The following MGAT5 variants were observed in gnomAD, a reference collection of about 807,000 sequenced individuals.
MGAT5 encodes alpha-1,6-mannosylglycoprotein 6-beta-N-acetylglucosaminyltransferase.
Under a neutral mutation model 94.3 loss-of-function variants are expected in MGAT5, and 30 were observed. That is an observed-to-expected ratio of 0.32 (90% CI 0.24 to 0.43). The LOEUF is 0.43. Ranked by LOEUF, MGAT5 falls within the 20% of genes least tolerant of loss-of-function variation. The probability of loss-of-function intolerance (pLI) is 1.00; values close to 1 mark genes in which losing one functional copy is unlikely to be tolerated. For synonymous variants in MGAT5, 310 were observed against 322.9 expected, an observed-to-expected ratio of 0.96 and a Z score of 0.43; for missense variants, 691 against 905.5, an observed-to-expected ratio of 0.76 and a Z score of 3.04.
intron 10 of MGAT5, among the ~76,000 whole-genome samples, chr2:134,369,685 G>A (rs1680658221): frequency 6.6e-6 from 1 of 151,154 alleles, no homozygotes; most frequent in Admixed American, 6.6e-5. Flanking sequence ...AGATGGATAT[G>A]TTTGCTGTCT....
chr2:134,416,635 C>A (rs992332275), intron 12 of MGAT5, among the ~76,000 whole-genome samples: 3 of 151,908 alleles, frequency 2.0e-5, no homozygotes, highest in African/African-American at 7.3e-5. Flanking sequence ...CGACACCTCG[C>A]TACTCTTTTT....
At chr2:134,177,490 C>T (rs1216529192) in intron 1 of MGAT5, among the ~76,000 whole-genome samples, 2 of 152,152 alleles carry the variant, frequency 1.3e-5, no homozygotes, top group African/African-American at 2.4e-5. Context: ...GGCAGGGAAG[C>T]GAGGTCCAGC....
At chr2:134,347,060 A>G (rs1330575009) in intron 8 of MGAT5, among the ~76,000 whole-genome samples, 1 of 152,206 alleles carries the variant, frequency 6.6e-6, no homozygotes, top group African/African-American at 2.4e-5. Flanking sequence ...TTAAGTCATT[A>G]GTCGGCCTAT....
intron 2 of MGAT5, among the ~76,000 whole-genome samples, chr2:134,281,745 GTGC>G (rs896056443): frequency 6.6e-6 from 1 of 152,220 alleles, no homozygotes; most frequent in Non-Finnish European, 1.5e-5. Flanking sequence ...CTGTGCGGGA[GTGC>G]TCAGCTCTCA....
chr2:134,297,265 T>G (rs78084643), intron 2 of MGAT5, among the ~76,000 whole-genome samples: 4,029 of 151,802 alleles, frequency 0.027, 174 homozygotes, highest in East Asian at 0.1. Context: ...TAATTAGAAC[T>G]TTTCCTACAA....
chr2:134,442,056 C>A, intron 15 of MGAT5, 141 bp downstream of exon 15: 1 of 913,882 alleles, frequency 1.1e-6, no homozygotes, highest in Non-Finnish European at 1.7e-6. Flanking sequence ...TAGGTTGCAG[C>A]AGGATCCCCC....
At chr2:134,130,794 C>T (rs181413407) in intron 1 of MGAT5, among the ~76,000 whole-genome samples, 1 of 151,286 alleles carries the variant, frequency 6.6e-6, no homozygotes, top group Admixed American at 6.6e-5. Flanking sequence ...GTGTCTAACT[C>T]AAGGTTTGTA....
intron 1 of MGAT5, among the ~76,000 whole-genome samples, chr2:134,193,697 G>GTGTGTGTT (rs1346779051): frequency 6.7e-6 from 1 of 148,376 alleles, no homozygotes; most frequent in Non-Finnish European, 1.5e-5. Flanking sequence ...GTGTGTGTGT[G>GTGTGTGTT]TGTGTGTGTG....
intron 1 of MGAT5, among the ~76,000 whole-genome samples, chr2:134,217,235 A>G (rs939208793): frequency 3.5e-3 from 298 of 84,994 alleles, no homozygotes; most frequent in African/African-American, 9.5e-3. Context: ...AGGGAGAGAG[A>G]GTGGTGTGTG....
chr2:134,122,607 G>A (rs1175856856), intron 1 of MGAT5, among the ~76,000 whole-genome samples: 4 of 152,226 alleles, frequency 2.6e-5, no homozygotes, highest in South Asian at 2.1e-4. Context: ...TGGGAGAAGA[G>A]GAGAAGGAAG....
chr2:134,291,902 A>G (rs1257632859), intron 2 of MGAT5, among the ~76,000 whole-genome samples: 3 of 152,100 alleles, frequency 2.0e-5, no homozygotes, highest in African/African-American at 7.2e-5. Flanking sequence ...CTCTCCCTTT[A>G]TATCGGCAGT....
chr2:134,149,007 T>C (rs982256585), intron 1 of MGAT5, among the ~76,000 whole-genome samples: 3 of 152,110 alleles, frequency 2.0e-5, no homozygotes, highest in Non-Finnish European at 4.4e-5. Context: ...TCAGGTGATC[T>C]GCCCACCTCG....
At chr2:134,246,167 TAAAAA>T (rs11378452) in intron 1 of MGAT5, among the ~76,000 whole-genome samples, 1 of 130,530 alleles carries the variant, frequency 7.7e-6, no homozygotes, top group Non-Finnish European at 1.6e-5. Context: ...TTCCTGTTTA[TAAAAA>T]AAAAAAAAAA....
chr2:134,223,878 C>A (rs577394870), intron 1 of MGAT5, among the ~76,000 whole-genome samples: 2 of 152,154 alleles, frequency 1.3e-5, no homozygotes, highest in Non-Finnish European at 2.9e-5. Context: ...GTAAAATAAC[C>A]AGTGTCTCCA....
chr2:134,300,601 A>ATAATTT lies in MGAT5; in HGVS notation c.407-16928_407-16927insTAATTT, dbSNP rs1491454760. Among the ~76,000 whole-genome samples the ATAATTT allele has an allele frequency of 3.8e-4, 58 of 152,194 alleles. 1 individual carries two copies. Among genetic ancestry groups the ATAATTT allele is most frequent in the African/African-American group, 1.4e-3 (57 of 41,450 alleles). On this transcript the variant is annotated intron_variant, in intron 2 of 15. Coordinates refer to ENST00000281923, the MANE Select transcript of MGAT5 (RefSeq NM_002410.5). ...ACAGTTTGTACTTAAGTCCAAGATT[A>ATAATTT]CAATTTCCAAGATGAAGATTAAACT...
At chr2:134,176,615 G>GAT (rs1187427130) in intron 1 of MGAT5, among the ~76,000 whole-genome samples, 2 of 140,958 alleles carry the variant, frequency 1.4e-5, no homozygotes, top group Non-Finnish European at 3.1e-5. Context: ...ATCAAGAACT[G>GAT]ATAAGAATAA....
At chr2:134,448,164 A>G (rs629794) in intron 15 of MGAT5, among the ~76,000 whole-genome samples, 102,580 of 152,232 alleles carry the variant, frequency 0.67, 34,808 homozygotes, top group South Asian at 0.82. Context: ...GCATTAGCAC[A>G]TAGCCGTCTC....
intron 8 of MGAT5, among the ~76,000 whole-genome samples, 158 bp downstream of exon 8, chr2:134,345,222 CT>C (rs1438329085): frequency 6.6e-6 from 1 of 152,144 alleles, no homozygotes; most frequent in Non-Finnish European, 1.5e-5. Context: ...TGACTTTGTA[CT>C]TTCTATGGCT....
At chr2:134,245,693 A>T (rs990737388) in intron 1 of MGAT5, among the ~76,000 whole-genome samples, 11 of 152,170 alleles carry the variant, frequency 7.2e-5, no homozygotes, top group Admixed American at 6.5e-4. Context: ...ATACCTGTGA[A>T]TGTCAGAGAA....
Sources: gnomAD v4.1 joint callset for allele counts (sites outside exome capture counted in the v4.1 genomes callset) on GRCh38, gnomAD v4.1.1 for gene constraint, MANE v1.5 for transcripts, NCBI Gene and HGNC (gene_info 2026-07-23, HGNC 2026-07-21) for gene names.